The following HIGD1A variants were observed in gnomAD, a reference collection of about 807,000 sequenced individuals.
HIGD1A encodes the protein HIG1 hypoxia inducible domain family member 1A.
A neutral mutation model predicts 11.3 loss-of-function variants in HIGD1A; 8 were observed. That is an observed-to-expected ratio of 0.71 (90% confidence interval 0.42 to 1.28). The LOEUF is 1.28. HIGD1A is among the 50% of genes most tolerant of loss of function. The pLI is 0.01. For synonymous variants in HIGD1A, 32 were observed against 38.4 expected (o/e 0.83, Z 0.62); for missense variants, 107 against 118.8 (o/e 0.90, Z 0.46).
chr3:42,796,445 TTA>T (rs1491164667), intron 1 of HIGD1A, among the ~76,000 whole-genome samples: 71 of 83,000 alleles, frequency 8.6e-4, no homozygotes, highest in East Asian at 2.6e-3. Context: ...GTTTTTTTTT[TTA>T]AAAAAAAAAG....
intron 2 of HIGD1A, among the ~76,000 whole-genome samples, chr3:42,789,202 C>T (rs1029121784): frequency 6.6e-6 from 1 of 151,744 alleles, no homozygotes; most frequent in Non-Finnish European, 1.5e-5. Flanking sequence ...CAACCACACC[C>T]GGCTAATTTT....
chr3:42,787,594 A>AAAAAAAAATATAT (rs1383516264), intron 2 of HIGD1A, among the ~76,000 whole-genome samples: 1 of 141,250 alleles, frequency 7.1e-6, no homozygotes. Flanking sequence ...CCATCTCAAA[A>AAAAAAAAATATAT]ATATATATAT....
intron 2 of HIGD1A, among the ~76,000 whole-genome samples, chr3:42,793,287 C>T (rs1009948717): frequency 2.6e-5 from 4 of 152,032 alleles, no homozygotes; most frequent in South Asian, 2.1e-4. Flanking sequence ...AATATGCCTG[C>T]GAGTCCGACC....
intron 2 of HIGD1A, among the ~76,000 whole-genome samples, chr3:42,793,550 C>T (rs917847002): frequency 1.3e-5 from 2 of 152,210 alleles, no homozygotes; most frequent in African/African-American, 4.8e-5. Context: ...TAACCTATAT[C>T]CCATTGCTGT....
chr3:42,793,883 G>A (rs1418125256), intron 2 of HIGD1A, among the ~76,000 whole-genome samples: 1 of 151,984 alleles, frequency 6.6e-6, no homozygotes, highest in Non-Finnish European at 1.5e-5. Context: ...GAGGTGGGAG[G>A]ATCAAGAACC....
intron 1 of HIGD1A, chr3:42,804,030 G>A (rs982822992): frequency 6.8e-6 from 6 of 877,198 alleles, no homozygotes; most frequent in South Asian, 5.1e-5. Context: ...CTCGCCTGCC[G>A]CTTAGCCCGC....
At chr3:42,802,343 G>A (rs868240313) in intron 1 of HIGD1A, among the ~76,000 whole-genome samples, 8 of 152,184 alleles carry the variant, frequency 5.3e-5, no homozygotes, top group Middle Eastern at 3.4e-3. Flanking sequence ...ATCAGGGTGT[G>A]GGGAACAAAA....
intron 2 of HIGD1A, among the ~76,000 whole-genome samples, chr3:42,786,508 T>G (rs1700353647): frequency 6.6e-6 from 1 of 152,212 alleles, no homozygotes; most frequent in Admixed American, 6.5e-5. Flanking sequence ...TTATTCCATT[T>G]CCTCTCTGTC....
At chr3:42,786,210 G>A (rs772243439) in intron 2 of HIGD1A, 48 bp from the exon 3 acceptor site, 3 of 1,601,346 alleles carry the variant, frequency 1.9e-6, no homozygotes, top group Non-Finnish European at 2.6e-6. Context: ...AAGGGACCAA[G>A]ATGACTTTAC....
At chr3:42,802,257 T>C (rs1281109717) in intron 1 of HIGD1A, among the ~76,000 whole-genome samples, 4 of 152,108 alleles carry the variant, frequency 2.6e-5, no homozygotes, top group East Asian at 1.9e-4. Flanking sequence ...CCGTTCTTCA[T>C]CTATGATACA....
intron 1 of HIGD1A, among the ~76,000 whole-genome samples, chr3:42,799,934 G>A (rs1700535887): frequency 6.6e-6 from 1 of 152,218 alleles, no homozygotes; most frequent in Non-Finnish European, 1.5e-5. Context: ...AAACACTTGA[G>A]ACTGGCTTTG....
At chr3:42,804,122 C>G in intron 1 of HIGD1A, 4 of 1,580,710 alleles carry the variant, frequency 2.5e-6, no homozygotes, top group Non-Finnish European at 3.4e-6. Context: ...TCCTGGCCCC[C>G]GTCTCTCATT....
chr3:42,786,936 A>G (rs888889425), intron 2 of HIGD1A, among the ~76,000 whole-genome samples: 1 of 152,108 alleles, frequency 6.6e-6, no homozygotes, highest in Non-Finnish European at 1.5e-5. Flanking sequence ...GTCTTTCCCA[A>G]GCTGCCACCC....
intron 2 of HIGD1A, among the ~76,000 whole-genome samples, chr3:42,786,524 T>G (rs745347623): frequency 1.3e-5 from 2 of 152,144 alleles, no homozygotes; most frequent in Non-Finnish European, 1.5e-5. Flanking sequence ...CTGTCCTATT[T>G]CCCTCCCTCA....
intron 1 of HIGD1A, among the ~76,000 whole-genome samples, chr3:42,800,792 A>C (rs943147028): frequency 4.6e-5 from 7 of 151,590 alleles, no homozygotes; most frequent in Non-Finnish European, 1.0e-4. Flanking sequence ...CCCTGTTGAC[A>C]TTTGTCATGC....
At chr3:42,788,321 G>A (rs1445293477) in intron 2 of HIGD1A, among the ~76,000 whole-genome samples, 1 of 152,034 alleles carries the variant, frequency 6.6e-6, no homozygotes, top group African/African-American at 2.4e-5. Flanking sequence ...GATTTCTGAG[G>A]AGAATACAAA....
At chr3:42,790,170 T>G (rs1222340611) in intron 2 of HIGD1A, among the ~76,000 whole-genome samples, 1 of 152,148 alleles carries the variant, frequency 6.6e-6, no homozygotes, top group Non-Finnish European at 1.5e-5. Context: ...TACGCATAAT[T>G]AGGAAGAAAC....
chr3:42,804,357 C>A, intron 1 of HIGD1A, 79 bp downstream of exon 1: 1 of 632,434 alleles, frequency 1.6e-6, no homozygotes, highest in Non-Finnish European at 2.7e-6. Context: ...TCCTTTCGGC[C>A]TGGCCAAGCG....
At chr3:42,801,381 T>TA (rs1459974419) in intron 1 of HIGD1A, among the ~76,000 whole-genome samples, 4 of 152,238 alleles carry the variant, frequency 2.6e-5, no homozygotes, top group Non-Finnish European at 4.4e-5. Flanking sequence ...ACTTTCCTTA[T>TA]AACCCTTATA....
Sources: allele counts gnomAD v4.1 joint callset (sites outside exome capture counted in the v4.1 genomes callset), GRCh38; gene constraint gnomAD v4.1.1; transcripts MANE v1.5; gene names NCBI Gene and HGNC (gene_info 2026-07-23, HGNC 2026-07-21).